Variants in ZNF317 observed in about 807,000 individuals in gnomAD.
The protein encoded by ZNF317 is KRAB-containing zinc finger protein 317.
ZNF317 carries 17 observed loss-of-function variants against 23.4 expected under a neutral mutation model. The observed-to-expected ratio is 0.73, with a 90% confidence interval of 0.50 to 1.09. The LOEUF (loss-of-function observed/expected upper bound fraction) is 1.09, where lower values mean the gene tolerates loss of function less well. ZNF317 is among the 50% of genes least tolerant of loss of function. ZNF317 has a pLI of 0.00. For synonymous variants in ZNF317, 317 were observed against 314.9 expected, an observed-to-expected ratio of 1.01 and a Z score of -0.07; for missense variants, 679 against 796.7, an observed-to-expected ratio of 0.85 and a Z score of 1.78.
chr19:9,150,257 T>C (rs1456231595), intron 1 of ZNF317, among the ~76,000 whole-genome samples: 1 of 152,206 alleles, frequency 6.6e-6, no homozygotes, highest in Non-Finnish European at 1.5e-5. Flanking sequence ...TTCTGTTAAG[T>C]AATTGTGAAA....
At chr19:9,144,746 G>T (rs138569827) in intron 1 of ZNF317, among the ~76,000 whole-genome samples, 2,035 of 152,134 alleles carry the variant, frequency 0.013, 48 homozygotes, top group African/African-American at 0.047. Flanking sequence ...ATACTCACAT[G>T]TTTATCACTT....
At chr19:9,159,189 A>C (rs978654129) in intron 6 of ZNF317, among the ~76,000 whole-genome samples, 1 of 152,094 alleles carries the variant, frequency 6.6e-6, no homozygotes, top group Non-Finnish European at 1.5e-5. Flanking sequence ...TATGCTGTAC[A>C]CTTACTTATC....
chr19:9,148,329 G>A (rs964371793), intron 1 of ZNF317, among the ~76,000 whole-genome samples: 16 of 152,188 alleles, frequency 1.1e-4, no homozygotes, highest in Admixed American at 2.0e-4. Flanking sequence ...GGTTTGCATC[G>A]TTGCAAAACA....
rs145056824 is a variant in ZNF317 at position 9,160,450 on chromosome 19, G to T, written c.805G>T (p.Ala269Ser). The change falls in exon 7 of 7, where the codon GCA becomes TCA. Residue 269 changes from alanine to serine, a missense_variant. By Grantham distance (99) the Ala-to-Ser change is moderately conservative. Transcript: ENST00000247956. The surrounding 1 kb of genome is among the most constrained non-coding windows in gnomAD (Gnocchi z 6.8). ...CGACCCTTCAGCCCTTAGGAGCCACGCAAGAACTCACCTCAAAGAGAAGCC... is the reference window on the plus strand; with the variant it reads ...CGACCCTTCAGCCCTTAGGAGCCACTCAAGAACTCACCTCAAAGAGAAGCC... ...FNDPSALRSH[A>S]RTHLKEKPFD... The T allele has an allele frequency of 6.2e-7, 1 of 1,613,862 alleles. No individual in the cohort carries two copies.
intron 3 of ZNF317, 129 bp from the exon 4 acceptor site, chr19:9,157,139 G>C (rs910504984): frequency 9.1e-5 from 105 of 1,147,668 alleles, no homozygotes; most frequent in Non-Finnish European, 1.2e-4. Flanking sequence ...AGGAAATGTT[G>C]AGCCCCGTAG....
chr19:9,156,069 G>A (rs777455292), intron 2 of ZNF317, 28 bp downstream of exon 2: 80 of 1,613,864 alleles, frequency 5.0e-5, no homozygotes, highest in Admixed American at 5.0e-5. Flanking sequence ...TGCGTGCCCT[G>A]AGAAAGTGAG....
rs368212921 is a variant in ZNF317 at position 9,158,679 on chromosome 19, C to G, written c.386-147C>G. 1.4e-5 allele frequency: 9 copies of G among 627,392 alleles called. No individual in the cohort carries two copies. In the East Asian group the frequency reaches 2.2e-4, roughly 16 times the overall value. 38.9% of individuals were successfully genotyped at this position (627,392 alleles called of 1,614,324 possible). ...TTCTACCCCTGGCATTGCCAAATAT[C>G]TCACATGACCAGATTTTTTAACAAT... On this transcript the variant is annotated intron_variant, in intron 5 of 6. Transcript: ENST00000247956.
intron 6 of ZNF317, among the ~76,000 whole-genome samples, chr19:9,159,451 C>T (rs2050822421): frequency 6.6e-6 from 1 of 152,188 alleles, no homozygotes; most frequent in South Asian, 2.1e-4. Flanking sequence ...ATCCATCAGC[C>T]TCGGTCTCCC....
chr19:9,160,818 A>T lies in ZNF317; in HGVS notation c.1173A>T (p.Glu391Asp). The change falls in exon 7 of 7, where the codon GAA becomes GAT. Residue 391 changes from glutamate (E) to aspartate (D), a missense_variant. Transcript: ENST00000247956. The surrounding 1 kb of genome is among the most constrained non-coding windows in gnomAD (Gnocchi z 6.8). ...ACCACATGGTGGAGAAGACCTACGAATGTAAAGAATGCGGGAAATCCTTTG... is the reference window on the plus strand; with the variant it reads ...ACCACATGGTGGAGAAGACCTACGATTGTAAAGAATGCGGGAAATCCTTTG... ...KKNHMVEKTY[E>D]CKECGKSFGD... 1 of 1,614,148 alleles carries T rather than the reference A, an allele frequency of 6.2e-7. No homozygotes were observed. Among genetic ancestry groups the T allele is most frequent in the Non-Finnish European group, 8.5e-7 (1 of 1,180,036 alleles).
rs373929815 is a variant in ZNF317, at chr19:9,158,810, T to G, written c.386-16T>G. 1.8e-4 allele frequency: 277 copies of G among 1,549,188 alleles called. No individual in the cohort carries two copies. The highest frequency in any genetic ancestry group is 2.5e-5 in the Non-Finnish European group (28 of 1,121,164). ...TTTCCTTTTCCAACAATTAATACTT[T>G]TCCAATTTGTTTCAGATTGGGAGAC... On this transcript the variant is annotated splice_polypyrimidine_tract_variant and intron_variant, in intron 5 of 6. Coordinates refer to ENST00000247956, the MANE Select transcript of ZNF317 (RefSeq NM_020933.5).
Position 9,159,595 on chromosome 19 carries a change from G to A in ZNF317, c.469-519G>A, listed in dbSNP as rs988525186. The stretch of plus-strand genomic sequence containing the variant: ...CAGTCTTGCTCTTGTCACCCAGGCT[G>A]GAGTGCAATGGCACGATCTCAGCTC... On this transcript the variant is annotated intron_variant, in intron 6 of 6. Coordinates refer to ENST00000247956, the MANE Select transcript of ZNF317 (RefSeq NM_020933.5). Among the ~76,000 whole-genome samples the A allele has an allele frequency of 2.7e-5, 4 of 149,986 alleles. No individual in the cohort carries two copies. The East Asian group carries it at 5.9e-4, about 22-fold the overall frequency.
Position 9,157,321 on chromosome 19 carries a change from C to G in ZNF317, c.216C>G (p.Pro72=). 6.2e-7 allele frequency: 1 copy of G among 1,614,106 alleles called. No homozygotes were observed. Among genetic ancestry groups the G allele is most frequent in the Non-Finnish European group, 8.5e-7 (1 of 1,179,988 alleles). The stretch of plus-strand genomic sequence containing the variant: ...TGGACTTTACCGAGAAGGAGTGGCC[C>G]TTGCTGGATTCTTCTCAGAGAAAAC... ...VAVDFTEKEW[P]LLDSSQRKLY... is the part of the protein sequence containing the mutation. The change falls in exon 4 of 7, where the codon CCC becomes CCG. Residue 72 remains proline (P), a synonymous_variant. Transcript: ENST00000247956.
In ZNF317 at chr19:9,157,357, T is replaced by G. The variant is rs780208786; in HGVS notation, c.252T>G (p.Asp84Glu). The G allele has an allele frequency of 6.2e-7, 1 of 1,614,036 alleles. No individual in the cohort carries two copies. The highest frequency in any genetic ancestry group is 8.5e-7 in the Non-Finnish European group (1 of 1,180,000). The part of the protein sequence containing the change: ...LDSSQRKLYK[D>E]VMLENYSNLT... ...CTTCTCAGAGAAAACTGTACAAAGA[T>G]GTAATGCTGGAGAACTACAGCAACC... Residue 84 changes from aspartate (D) to glutamate (E), a missense_variant, in exon 4 of 7, where the codon GAT becomes GAG. Asp to Glu is a conservative substitution (Grantham distance 45). Coordinates refer to ENST00000247956, the MANE Select transcript of ZNF317 (RefSeq NM_020933.5).
intron 1 of ZNF317, among the ~76,000 whole-genome samples, chr19:9,142,236 A>T (rs2050638716): frequency 6.6e-6 from 1 of 152,254 alleles, no homozygotes; most frequent in Non-Finnish European, 1.5e-5. Flanking sequence ...CTTCGTAGAC[A>T]AGGAAAATGT....
In ZNF317 at chr19:9,161,645, G is replaced by A. The variant is rs2050859258; in HGVS notation, c.*212G>A. The stretch of plus-strand genomic sequence containing the variant: ...ACGCCGGGGGTGAAAATGTACGTCT[G>A]TAGCATGGAGAAGCCTTCAGGGTAC... On this transcript the variant is annotated 3_prime_UTR_variant, in exon 7 of 7. Transcript: ENST00000247956. This position sits in a 1 kb window ranked among gnomAD's most constrained non-coding sequence, Gnocchi z 4.0. 3.3e-6 allele frequency: 2 copies of A among 612,350 alleles called. No individual in the cohort carries two copies. Among genetic ancestry groups the A allele is most frequent in the Admixed American group, 3.2e-5 (1 of 31,404 alleles). The allele number at this position is 612,350 out of a possible 1,614,324, so 37.9% of individuals were successfully genotyped here.
chr19:9,156,708 G>A lies in ZNF317; in HGVS notation c.122G>A (p.Cys41Tyr), dbSNP rs1264877061. Residue 41 changes from cysteine to tyrosine, a missense_variant, in exon 3 of 7, where the codon TGC becomes TAC. Coordinates refer to ENST00000247956, the MANE Select transcript of ZNF317 (RefSeq NM_020933.5). ...CCCCAGAATTTGGACCTGTTCGTGT[G>A]CAGTGGTCTGGAGCCTCACACACCC... ...SCPQNLDLFV[C>Y]SGLEPHTPSV... The A allele has an allele frequency of 6.2e-7, 1 of 1,614,178 alleles. No individual in the cohort carries two copies. The highest frequency in any genetic ancestry group is 8.5e-7 in the Non-Finnish European group (1 of 1,180,028).
At chr19:9,155,815 C>G (rs1479437258) in intron 1 of ZNF317, 110 bp from the exon 2 acceptor site, 1 of 626,694 alleles carries the variant, frequency 1.6e-6, no homozygotes, top group East Asian at 2.8e-5. Flanking sequence ...TCAGGCAGAT[C>G]TTGCTGCTCA....
Position 9,158,156 on chromosome 19 carries a change from G to A in ZNF317, c.385+81G>A, listed in dbSNP as rs147408232. On this transcript the variant is annotated intron_variant, in intron 5 of 6. Transcript: ENST00000247956. ...GGGGTGGAGGGAGGTAGGTTAGGGA[G>A]TGTCACCCAGGGAAATTGAGAGATG... is the stretch of plus-strand genomic sequence containing the variant. 1,881 of 1,441,286 alleles carry A rather than the reference G, an allele frequency of 1.3e-3. 16 individuals are homozygous for A. The African/African-American group carries it at 0.023, about 18-fold the overall frequency. 89.3% of individuals were successfully genotyped at this position (1,441,286 alleles called of 1,614,324 possible). A position where few individuals can be genotyped will look rare whatever the true frequency, so the allele number is the denominator to read the frequency against.
chr19:9,161,629 G>A lies in ZNF317; in HGVS notation c.*196G>A, dbSNP rs1289854147. The A allele has an allele frequency of 1.4e-6, 1 of 716,526 alleles. No homozygotes were observed. Among genetic ancestry groups the A allele is most frequent in the African/African-American group, 1.8e-5 (1 of 56,404 alleles). The allele number at this position is 716,526 out of a possible 1,614,324, so 44.4% of individuals were successfully genotyped here. ...AGGTTTGTGAGAACTCACGCCGGGG[G>A]TGAAAATGTACGTCTGTAGCATGGA... is the stretch of plus-strand genomic sequence containing the variant. On this transcript the variant is annotated 3_prime_UTR_variant, in exon 7 of 7. Coordinates refer to ENST00000247956, the MANE Select transcript of ZNF317 (RefSeq NM_020933.5). This position sits in a 1 kb window ranked among gnomAD's most constrained non-coding sequence, Gnocchi z 4.0.
Sources: gnomAD v4.1 joint callset for allele counts (sites outside exome capture counted in the v4.1 genomes callset) on GRCh38, gnomAD v4.1.1 for gene constraint, Gnocchi (gnomAD v3.1) non-coding constraint, MANE v1.5 for transcripts, NCBI Gene and HGNC (gene_info 2026-07-23, HGNC 2026-07-21) for gene names.